Variants in CEP128 observed in about 807,000 individuals in gnomAD.
CEP128 encodes the protein centrosomal protein 128, also known as centrosomal protein 128kDa.
A neutral mutation model predicts 156.7 loss-of-function variants in CEP128; 132 were observed. The ratio of observed to expected loss-of-function variants is 0.84; its 90% CI spans 0.73 to 0.97. The LOEUF is 0.97. CEP128 is among the 50% of genes least tolerant of loss of function. The pLI, the probability that CEP128 is intolerant of heterozygous loss-of-function variation, is 0.00. For synonymous variants in CEP128, 469 were observed against 448.9 expected (o/e 1.04, Z -0.57); for missense variants, 1,252 against 1,281.9 (o/e 0.98, Z 0.36).
rs769869419 is a variant in CEP128 at position 80,505,009 on chromosome 14, G to C, written c.3084C>G (p.Thr1028=). Residue 1028 remains threonine, a synonymous_variant, in exon 24 of 25, where the codon ACC becomes ACG. Transcript: ENST00000555265. ...CACGAGTGTGGGAACCTTCCAGAAA[G>C]GTTCTGTCACCCTAAGGAAAAAAAG... The part of the protein sequence containing the change: ...YRTKSFKGDR[T]FLEGSHTRGL... The C allele has an allele frequency of 6.3e-7, 1 of 1,589,634 alleles. No homozygotes were observed. The highest frequency in any genetic ancestry group is 8.6e-7 in the Non-Finnish European group (1 of 1,165,364).
intron 8 of CEP128, among the ~76,000 whole-genome samples, chr14:80,890,707 TG>T (rs1458954747): frequency 6.6e-6 from 1 of 152,080 alleles, no homozygotes; most frequent in Non-Finnish European, 1.5e-5. Context: ...GATGGGTTGA[TG>T]GGTGCAGCAA....
At chr14:80,598,787 C>A (rs1275027161) in intron 19 of CEP128, among the ~76,000 whole-genome samples, 2 of 151,922 alleles carry the variant, frequency 1.3e-5, no homozygotes, top group Non-Finnish European at 2.9e-5. Context: ...CTCAATAGAA[C>A]AGAATAGAAA....
chr14:80,681,994 G>C (rs904444121), intron 19 of CEP128, among the ~76,000 whole-genome samples: 3 of 152,208 alleles, frequency 2.0e-5, no homozygotes, highest in Non-Finnish European at 2.9e-5. Context: ...TGCAGTCCTA[G>C]CTACTCAGGA....
At chr14:80,535,392 G>A (rs1458453284) in intron 21 of CEP128, among the ~76,000 whole-genome samples, 1 of 152,212 alleles carries the variant, frequency 6.6e-6, no homozygotes, top group Non-Finnish European at 1.5e-5. Context: ...GCAACTAGAA[G>A]CTAAATAGTG....
chr14:80,584,926 T>C (rs1271025005), intron 19 of CEP128, among the ~76,000 whole-genome samples: 1 of 152,238 alleles, frequency 6.6e-6, no homozygotes, highest in African/African-American at 2.4e-5. Context: ...CACTGACATG[T>C]TCGTGTTTTC....
At position 80,526,877 on chromosome 14, in the gene CEP128, T is replaced by A; in HGVS notation, c.3064A>T (p.Ser1022Cys). Residue 1022 changes from serine to cysteine, a missense_variant, in exon 23 of 25, where the codon AGT becomes TGT. Physicochemically the swap from Ser to Cys is moderately radical, Grantham distance 112. Coordinates refer to ENST00000555265, the MANE Select transcript of CEP128 (RefSeq NM_152446.5). Reference sequence around the variant, plus strand: ...TATATAAAGAAAATTACTTTGAAACTTTTGGTTCTGTACTTGGTGTCATCT... The same window carrying A: ...TATATAAAGAAAATTACTTTGAAACATTTGGTTCTGTACTTGGTGTCATCT... ...HQDDTKYRTKSFKGDRTFLEG... is the reference protein window; with the variant it reads ...HQDDTKYRTKCFKGDRTFLEG... The A allele has an allele frequency of 6.3e-7, 1 of 1,587,486 alleles. No homozygotes were observed. The highest frequency in any genetic ancestry group is 1.3e-5 in the African/African-American group (1 of 74,092).
chr14:80,626,687 T>C (rs1037668098), intron 19 of CEP128, among the ~76,000 whole-genome samples: 9 of 152,066 alleles, frequency 5.9e-5, no homozygotes, highest in African/African-American at 1.7e-4. Context: ...ACACCTTAAC[T>C]TTAGGCCAGT....
intron 19 of CEP128, among the ~76,000 whole-genome samples, chr14:80,648,983 T>A (rs1894778403): frequency 6.6e-6 from 1 of 152,096 alleles, no homozygotes; most frequent in African/African-American, 2.4e-5. Context: ...ATTAAAAGAA[T>A]TTGAGATCAA....
chr14:80,563,302 G>A (rs1193341783), intron 20 of CEP128, among the ~76,000 whole-genome samples: 1 of 151,890 alleles, frequency 6.6e-6, no homozygotes, highest in African/African-American at 2.4e-5. Flanking sequence ...AGTAGACAAG[G>A]GAAGACCACT....
At chr14:80,678,040 T>TTA (rs1156881516) in intron 19 of CEP128, among the ~76,000 whole-genome samples, 1 of 32,544 alleles carries the variant, frequency 3.1e-5, no homozygotes, top group Admixed American at 4.1e-4. Flanking sequence ...AGTTGCTCTA[T>TTA]AAAAAAAAAA....
rs1566739215 is a variant in CEP128 at position 80,496,513 on chromosome 14, T to TA, written c.*965_*966insT. ...CAAAGGTATTGCTTTATTGCCCTTG[T>TA]CTATGCAGAATCCATGACCCAATAG... is the stretch of plus-strand genomic sequence containing the variant. On this transcript the variant is annotated 3_prime_UTR_variant, in exon 25 of 25. Transcript: ENST00000555265. 1 of 152,634 alleles carries TA rather than the reference T, an allele frequency of 6.6e-6. No homozygotes were observed. The highest frequency in any genetic ancestry group is 2.4e-5 in the African/African-American group (1 of 41,440). The allele number at this position is 152,634 out of a possible 1,614,324, so 9.5% of individuals were successfully genotyped here.
chr14:80,909,012 C>T (rs564605692), intron 4 of CEP128, among the ~76,000 whole-genome samples: 15 of 152,126 alleles, frequency 9.9e-5, no homozygotes, highest in Non-Finnish European at 1.9e-4. Flanking sequence ...TTCCTAGCCT[C>T]TTAAGTTAAT....
intron 2 of CEP128, among the ~76,000 whole-genome samples, chr14:80,947,643 CAA>C (rs1468512890): frequency 6.6e-6 from 1 of 152,052 alleles, no homozygotes; most frequent in African/African-American, 2.4e-5. Flanking sequence ...ATGCTATAAA[CAA>C]ATGATTTGGA....
intron 18 of CEP128, among the ~76,000 whole-genome samples, chr14:80,746,984 T>C (rs1275766005): frequency 6.6e-6 from 1 of 152,242 alleles, no homozygotes; most frequent in Non-Finnish European, 1.5e-5. Flanking sequence ...GAAAAGATGC[T>C]GAACATCATT....
chr14:80,802,528 G>T (rs993092869), intron 13 of CEP128, among the ~76,000 whole-genome samples: 2 of 148,908 alleles, frequency 1.3e-5, no homozygotes, highest in Non-Finnish European at 3.0e-5. Context: ...CACACACCAG[G>T]GGGGCCTGTT....
intron 19 of CEP128, among the ~76,000 whole-genome samples, chr14:80,619,369 C>CACACAT (rs1305408100): frequency 7.3e-6 from 1 of 136,962 alleles, no homozygotes; most frequent in Non-Finnish European, 1.6e-5. Flanking sequence ...GACACACAGA[C>CACACAT]ACACACACAC....
intron 19 of CEP128, among the ~76,000 whole-genome samples, chr14:80,651,593 T>C (rs1168472438): frequency 2.6e-5 from 4 of 152,198 alleles, no homozygotes; most frequent in Non-Finnish European, 4.4e-5. Flanking sequence ...TTTAGCTGTG[T>C]CCCAGAGATT....
At chr14:80,668,832 C>G (rs530727567) in intron 19 of CEP128, among the ~76,000 whole-genome samples, 20 of 152,148 alleles carry the variant, frequency 1.3e-4, no homozygotes, top group African/African-American at 4.8e-4. Context: ...TAGGGGTGAG[C>G]CTTTCCTGTG....
At chr14:80,838,099 T>G (rs1886173775) in intron 11 of CEP128, 105 bp downstream of exon 11, 1 of 761,584 alleles carries the variant, frequency 1.3e-6, no homozygotes, top group African/African-American at 1.8e-5. Context: ...GAAAACATTT[T>G]TTCTAGACCT....
Sources: allele counts gnomAD v4.1 joint callset (sites outside exome capture counted in the v4.1 genomes callset), GRCh38; gene constraint gnomAD v4.1.1; transcripts MANE v1.5; gene names NCBI Gene and HGNC (gene_info 2026-07-23, HGNC 2026-07-21).